The following SLC5A11 variants were observed in gnomAD, a reference collection of about 807,000 sequenced individuals.
SLC5A11 encodes solute carrier family 5 member 11, also known as sodium/myo-inositol cotransporter 2.
Under a neutral mutation model 69.8 loss-of-function variants are expected in SLC5A11, and 48 were observed. The observed-to-expected ratio is 0.69, with a 90% CI of 0.55 to 0.87. SLC5A11 has a LOEUF of 0.87. Among genes scored for constraint, SLC5A11 ranks in the 40% least tolerant of loss-of-function variants. The pLI, the probability that SLC5A11 is intolerant of heterozygous loss-of-function variation, is 0.00. For missense variants in SLC5A11, 784 were observed against 866.1 expected, an observed-to-expected ratio of 0.91 and a Z score of 1.19; for synonymous variants, 319 against 342.4, an observed-to-expected ratio of 0.93 and a Z score of 0.75.
At chr16:24,866,113 T>C (rs1238948256) in intron 3 of SLC5A11, among the ~76,000 whole-genome samples, 3 of 148,258 alleles carry the variant, frequency 2.0e-5, no homozygotes, top group Non-Finnish European at 3.0e-5. Flanking sequence ...CAAAAGGCAA[T>C]GGAGGAATAG....
chr16:24,875,566 G>T (rs774926134), intron 5 of SLC5A11, 61 bp from the exon 7 acceptor site: 38 of 587,388 alleles, frequency 6.5e-5, no homozygotes, highest in Non-Finnish European at 8.4e-5. Flanking sequence ...GGGCTTGTGT[G>T]GGGGGGTCAC....
chr16:24,858,887 A>G, intron 2 of SLC5A11, 109 bp downstream of exon 3: 1 of 1,358,670 alleles, frequency 7.4e-7, no homozygotes, highest in Non-Finnish European at 9.8e-7. Flanking sequence ...TGTGAGAGGA[A>G]GAAACTAACA....
In SLC5A11 at chr16:24,863,639, T is replaced by C. The variant is rs73553420; in HGVS notation, c.207+967T>C. 4.8e-3 allele frequency among the ~76,000 whole-genome samples: 729 copies of C among 150,544 alleles called. 12 individuals carry two copies. The highest frequency in any genetic ancestry group is 0.016 in the African/African-American group (662 of 41,278). On this transcript the variant is annotated intron_variant, in intron 3 of 15. Transcript: ENST00000347898. ...AAAATTCTCTCCTCCATAAAAGCTA[T>C]GAGAAGTGAAGCAAAAAAAAAAAAT...
Position 24,906,784 on chromosome 16 carries a change from G to C in SLC5A11, c.1114+20G>C, listed in dbSNP as rs1161195246. ...CCACAGGTAATGTCCCTTCACTCCT[G>C]AATCAAGTCCCCTGGAGCACCCAGA... On this transcript the variant is annotated intron_variant, in intron 11 of 15. Coordinates refer to ENST00000347898, the Ensembl canonical transcript of SLC5A11. 1 of 1,594,322 alleles carries C rather than the reference G, an allele frequency of 6.3e-7. No individual in the cohort carries two copies. Among genetic ancestry groups the C allele is most frequent in the East Asian group, 2.2e-5 (1 of 44,844 alleles).
intron 12 of SLC5A11, 115 bp downstream of exon 13, chr16:24,907,290 T>C (rs978017461): frequency 6.2e-6 from 7 of 1,131,496 alleles, no homozygotes; most frequent in Non-Finnish European, 8.9e-6. Context: ...TAGGACTCCA[T>C]GTGCAAGACA....
At chr16:24,850,258 T>C (rs1237068761) in intron 1 of SLC5A11, among the ~76,000 whole-genome samples, 1 of 152,158 alleles carries the variant, frequency 6.6e-6, no homozygotes, top group African/African-American at 2.4e-5. Flanking sequence ...CCAGGATCTG[T>C]CTTTTTGGCC....
At chr16:24,859,979 A>G (rs1424597859) in intron 2 of SLC5A11, among the ~76,000 whole-genome samples, 1 of 152,116 alleles carries the variant, frequency 6.6e-6, no homozygotes, top group African/African-American at 2.4e-5. Flanking sequence ...GTGAAATCCC[A>G]TCTTTACTAA....
chr16:24,863,828 C>T (rs931585864), intron 3 of SLC5A11, among the ~76,000 whole-genome samples: 1 of 152,112 alleles, frequency 6.6e-6, no homozygotes, highest in Non-Finnish European at 1.5e-5. Flanking sequence ...GGGAAACCAC[C>T]AGCCTAGAAG....
intron 13 of SLC5A11, 58 bp from the exon 15 acceptor site, chr16:24,908,822 AG>A: frequency 6.5e-7 from 1 of 1,538,944 alleles, no homozygotes; most frequent in South Asian, 1.2e-5. Context: ...TGGCTTCTTG[AG>A]GTTCCTGGAG....
At chr16:24,881,660 C>A (rs1339549278) in intron 7 of SLC5A11, among the ~76,000 whole-genome samples, 2 of 152,066 alleles carry the variant, frequency 1.3e-5, no homozygotes, top group African/African-American at 4.8e-5. Context: ...TAAATAACAC[C>A]CCATGAGCAA....
intron 2 of SLC5A11, among the ~76,000 whole-genome samples, chr16:24,861,263 C>T (rs1597015201): frequency 6.6e-6 from 1 of 151,984 alleles, no homozygotes. Context: ...GTGAACAGAT[C>T]GCTTGAGCTC....
chr16:24,874,932 G>A (rs986653278), intron 5 of SLC5A11, among the ~76,000 whole-genome samples: 1 of 151,912 alleles, frequency 6.6e-6, no homozygotes, highest in African/African-American at 2.4e-5. Flanking sequence ...CGGCCATTTG[G>A]ATTTCCTCTT....
intron 7 of SLC5A11, 127 bp from the exon 9 acceptor site, chr16:24,883,924 A>G (rs770365181): frequency 1.3e-6 from 1 of 775,248 alleles, no homozygotes; most frequent in Non-Finnish European, 2.1e-6. Flanking sequence ...GATCGTGGCC[A>G]TCTTTGCAAT....
chr16:24,894,342 A>G (rs2049006580), intron 9 of SLC5A11, among the ~76,000 whole-genome samples: 1 of 152,178 alleles, frequency 6.6e-6, no homozygotes, highest in African/African-American at 2.4e-5. Flanking sequence ...GGGAAAATTT[A>G]TACATGATTA....
Position 24,884,049 on chromosome 16 carries a change from A to C in SLC5A11, c.584-2A>C, listed in dbSNP as rs1166759035. The C allele has an allele frequency of 6.3e-7, 1 of 1,580,426 alleles. No individual in the cohort carries two copies. The highest frequency in any genetic ancestry group is 1.7e-5 in the Admixed American group (1 of 57,222). The stretch of plus-strand genomic sequence containing the variant: ...CCCTCACCTCCGTGCTCATCCCACC[A>C]GGTGGCCTGGCTGCTGTGATCTACA... On this transcript the variant is annotated splice_acceptor_variant, in intron 7 of 15. Coordinates refer to ENST00000347898, the Ensembl canonical transcript of SLC5A11. LOFTEE classifies it high-confidence loss of function.
intron 8 of SLC5A11, among the ~76,000 whole-genome samples, chr16:24,889,587 C>G (rs371202008): frequency 4.0e-4 from 46 of 114,750 alleles, no homozygotes; most frequent in African/African-American, 1.5e-3. Context: ...GAGTCTCGCT[C>G]TGTCACGCAG....
intron 7 of SLC5A11, 134 bp from the exon 9 acceptor site, chr16:24,883,917 C>G (rs549553703): frequency 6.9e-6 from 5 of 721,168 alleles, no homozygotes; most frequent in South Asian, 1.9e-5. Flanking sequence ...GAGGAGTGAT[C>G]GTGGCCATCT....
intron 1 of SLC5A11, among the ~76,000 whole-genome samples, chr16:24,846,914 AC>A (rs1313014751): frequency 2.0e-5 from 3 of 152,382 alleles, no homozygotes; most frequent in African/African-American, 7.2e-5. Flanking sequence ...CGTGTCAGAC[AC>A]GTGCAGAGAA....
At chr16:24,858,378 G>A (rs1440798098) in intron 1 of SLC5A11, among the ~76,000 whole-genome samples, 1 of 152,154 alleles carries the variant, frequency 6.6e-6, no homozygotes, top group African/African-American at 2.4e-5. Context: ...TTTGCCAAGT[G>A]AGTGACAAAA....
Sources: allele counts gnomAD v4.1 joint callset (sites outside exome capture counted in the v4.1 genomes callset), GRCh38; gene constraint gnomAD v4.1.1; transcripts MANE v1.5; gene names NCBI Gene and HGNC (gene_info 2026-07-23, HGNC 2026-07-21).